ATAD2B: variants seen among roughly 807,000 people sequenced by gnomAD.
The protein encoded by ATAD2B is ATPase family AAA domain containing 2B, also known as ATPase family AAA domain-containing protein 2B.
Under a neutral mutation model 167.6 loss-of-function variants are expected in ATAD2B, and 40 were observed. The observed-to-expected ratio is 0.24, with a 90% CI of 0.19 to 0.31. ATAD2B has a LOEUF of 0.31. Among genes scored for constraint, ATAD2B ranks in the 10% least tolerant of loss-of-function variants. The pLI is 1.00. For missense variants in ATAD2B, 1,242 were observed against 1,757.2 expected, an observed-to-expected ratio of 0.71 and a Z score of 5.24; for synonymous variants, 579 against 596.5, an observed-to-expected ratio of 0.97 and a Z score of 0.43.
At position 23,885,835 on chromosome 2, in the gene ATAD2B, A is replaced by G; in HGVS notation, c.573-6T>C. ...GTAGTACAGCTTCAGCAGTGCTACA[A>G]TCACATAATAAAATCAGGATTTAGA... is the stretch of plus-strand genomic sequence containing the variant. On this transcript the variant is annotated splice_polypyrimidine_tract_variant and splice_region_variant and intron_variant, in intron 4 of 27. Transcript: ENST00000238789. The G allele has an allele frequency of 6.6e-7, 1 of 1,511,284 alleles. No individual in the cohort carries two copies. Among genetic ancestry groups the G allele is most frequent in the East Asian group, 2.3e-5 (1 of 43,370 alleles). 93.6% of individuals were successfully genotyped at this position (1,511,284 alleles called of 1,614,324 possible). A position where few individuals can be genotyped will look rare whatever the true frequency, so the allele number is the denominator to read the frequency against.
At chr2:23,845,140 T>C (rs1393188527) in intron 13 of ATAD2B, among the ~76,000 whole-genome samples, 3 of 152,062 alleles carry the variant, frequency 2.0e-5, no homozygotes, top group Non-Finnish European at 4.4e-5. Flanking sequence ...GAAAATACCC[T>C]TCAAAAACAA....
chr2:23,907,322 C>A (rs557482219), intron 1 of ATAD2B, among the ~76,000 whole-genome samples: 1 of 151,886 alleles, frequency 6.6e-6, no homozygotes, highest in Admixed American at 6.6e-5. Context: ...TATACACCAA[C>A]AACAGACAAA....
At position 23,926,609 on chromosome 2, in the gene ATAD2B, G is replaced by A; in HGVS notation, c.162C>T (p.Pro54=). The stretch of plus-strand genomic sequence containing the variant: ...CACCGCTTCCCCCGGCTTTGGCGGC[G>A]GGGCAGCTGGCGGCGCGGGTCTTGG... ...RSSKTRAASC[P]AAKAGGSGGA... is the part of the protein sequence containing the mutation. The change falls in exon 1 of 28, where the codon CCC becomes CCT. Residue 54 remains proline, a synonymous_variant. Coordinates refer to ENST00000238789, the MANE Select transcript of ATAD2B (RefSeq NM_017552.4). The A allele has an allele frequency of 1.3e-6, 2 of 1,563,998 alleles. No homozygotes were observed. The highest frequency in any genetic ancestry group is 1.4e-5 in the African/African-American group (1 of 73,734).
chr2:23,696,975 G>A, the ATAD2B span: 18 of 162,012 alleles, frequency 1.1e-4, no homozygotes, highest in East Asian at 5.7e-4. The surrounding 1 kb of genome is among the most constrained non-coding windows in gnomAD (Gnocchi z 5.5). Flanking sequence ...CAAGCGGGGG[G>A]TCCCACACCA....
At chr2:23,861,208 T>C (rs1034504973) in intron 12 of ATAD2B, among the ~76,000 whole-genome samples, 4 of 150,850 alleles carry the variant, frequency 2.7e-5, no homozygotes, top group Non-Finnish European at 4.4e-5. Context: ...GTAGGGCATA[T>C]TACGTGCCAG....
At chr2:23,923,395 T>G (rs565344179) in intron 1 of ATAD2B, among the ~76,000 whole-genome samples, 1 of 152,310 alleles carries the variant, frequency 6.6e-6, no homozygotes, top group African/African-American at 2.4e-5. Flanking sequence ...AGATAAGTTC[T>G]GGAGATCTAT....
At chr2:23,823,620 A>G in intron 15 of ATAD2B, 51 bp from the exon 16 acceptor site, 2 of 1,497,030 alleles carry the variant, frequency 1.3e-6, no homozygotes, top group Non-Finnish European at 1.8e-6. Context: ...TATTCCATGC[A>G]CCAACTATGT....
At chr2:23,845,528 T>G (rs1014962273) in intron 13 of ATAD2B, among the ~76,000 whole-genome samples, 17 of 151,048 alleles carry the variant, frequency 1.1e-4, no homozygotes, top group African/African-American at 4.1e-4. Context: ...AGTGGTTGGC[T>G]GTGGGCAGGA....
At chr2:23,783,669 G>A (rs1680387541) in intron 21 of ATAD2B, among the ~76,000 whole-genome samples, 2 of 152,046 alleles carry the variant, frequency 1.3e-5, no homozygotes, top group Non-Finnish European at 2.9e-5. Context: ...TTTTCTGTGA[G>A]ATAACCCTAA....
At chr2:23,878,055 T>C (rs1697291747) in intron 7 of ATAD2B, among the ~76,000 whole-genome samples, 1 of 97,670 alleles carries the variant, frequency 1.0e-5, no homozygotes, top group African/African-American at 3.4e-5. Context: ...ATGTATAAAT[T>C]GGAGTTCATT....
chr2:23,721,202 C>T, the ATAD2B span, among the ~76,000 whole-genome samples: 3 of 152,160 alleles, frequency 2.0e-5, no homozygotes, highest in Non-Finnish European at 4.4e-5. Flanking sequence ...AGCAGCTAAA[C>T]GCCTGCACCC....
intron 7 of ATAD2B, among the ~76,000 whole-genome samples, chr2:23,880,069 AAAAG>A (rs1167344696): frequency 6.6e-6 from 1 of 151,988 alleles, no homozygotes; most frequent in Non-Finnish European, 1.5e-5. Flanking sequence ...AAAAAAAAAA[AAAAG>A]AGAGAGAGAG....
intron 18 of ATAD2B, among the ~76,000 whole-genome samples, chr2:23,800,557 A>G (rs1683319688): frequency 6.6e-6 from 1 of 152,136 alleles, no homozygotes; most frequent in Non-Finnish European, 1.5e-5. Context: ...ACCAGCTCTA[A>G]GAGTTGAGGT....
the ATAD2B span, among the ~76,000 whole-genome samples, chr2:23,740,918 C>G: frequency 6.6e-6 from 1 of 152,152 alleles, no homozygotes; most frequent in Admixed American, 6.6e-5. Context: ...AACAGACAAA[C>G]AGAGGCCAAA....
At chr2:23,848,946 T>A (rs1233178322) in intron 13 of ATAD2B, among the ~76,000 whole-genome samples, 1 of 152,168 alleles carries the variant, frequency 6.6e-6, no homozygotes. Context: ...ATTGTGTACA[T>A]ACATATAGTA....
At chr2:23,778,333 G>A (rs1467056913) in intron 22 of ATAD2B, among the ~76,000 whole-genome samples, 1 of 152,026 alleles carries the variant, frequency 6.6e-6, no homozygotes, top group African/African-American at 2.4e-5. Context: ...ATATCAATGT[G>A]GTTATAATTA....
downstream of ATAD2B, among the ~76,000 whole-genome samples, chr2:23,747,719 T>A (rs1420471971): frequency 6.6e-6 from 1 of 152,084 alleles, no homozygotes. Flanking sequence ...TATTTGTGTA[T>A]CCCACATGCC....
the ATAD2B span, among the ~76,000 whole-genome samples, chr2:23,717,146 C>T: frequency 1.3e-5 from 2 of 152,182 alleles, no homozygotes; most frequent in Non-Finnish European, 2.9e-5. Flanking sequence ...AACTCCAAAT[C>T]CCAAGTGAGT....
chr2:23,737,953 T>C, the ATAD2B span, among the ~76,000 whole-genome samples: 2 of 152,124 alleles, frequency 1.3e-5, no homozygotes, highest in African/African-American at 2.4e-5. Context: ...GTATCAGTGA[T>C]GGAAGACGAA....
Sources: gnomAD v4.1 joint callset for allele counts (sites outside exome capture counted in the v4.1 genomes callset) on GRCh38, gnomAD v4.1.1 for gene constraint, Gnocchi (gnomAD v3.1) non-coding constraint, MANE v1.5 for transcripts, NCBI Gene and HGNC (gene_info 2026-07-23, HGNC 2026-07-21) for gene names.